TRPC7: variants seen among roughly 807,000 people sequenced by gnomAD.
TRPC7 encodes the protein short transient receptor potential channel 7.
Under a neutral mutation model 90.1 loss-of-function variants are expected in TRPC7, and 42 were observed. That is an observed-to-expected ratio of 0.47 (90% CI 0.36 to 0.60). The LOEUF (loss-of-function observed/expected upper bound fraction) is 0.60, where lower values mean the gene tolerates loss of function less well. Ranked by LOEUF, TRPC7 falls within the 20% of genes least tolerant of loss-of-function variation. TRPC7 has a pLI of 0.00. For synonymous variants in TRPC7, 451 were observed against 436.3 expected (o/e 1.03, Z -0.42); for missense variants, 955 against 1,112.3 (o/e 0.86, Z 2.01).
chr5:136,357,292 C>A lies in TRPC7; in HGVS notation c.96G>T (p.Met32Ile). The change falls in exon 2 of 12, where the codon ATG becomes ATT. Residue 32 changes from methionine to isoleucine, a missense_variant. Physicochemically the swap from Met to Ile is conservative, Grantham distance 10. This residue lies in a region of TRPC7 where 161 missense variants were observed against 145.7 expected (regional missense o/e 1.10). Transcript: ENST00000513104. The stretch of plus-strand genomic sequence containing the variant: ...TCAGACTGGTGCCCTTCTCGTTGAA[C>A]ATGTAGGCGGGACCCCGGATGGCCT... ...RRQAIRGPAY[M>I]FNEKGTSLTP... is the part of the protein sequence containing the mutation. 6.2e-7 allele frequency: 1 copy of A among 1,612,272 alleles called. No homozygotes were observed.
At chr5:136,341,086 T>G (rs909280423) in intron 2 of TRPC7, among the ~76,000 whole-genome samples, 10 of 152,194 alleles carry the variant, frequency 6.6e-5, no homozygotes, top group African/African-American at 2.2e-4. Context: ...TAGTTTTCAG[T>G]GCCAGTGCTC....
intron 3 of TRPC7, among the ~76,000 whole-genome samples, chr5:136,291,767 G>A (rs532802141): frequency 4.6e-5 from 7 of 152,118 alleles, no homozygotes; most frequent in African/African-American, 7.2e-5. Flanking sequence ...TCCAGGAATT[G>A]AACTCAGCTC....
chr5:136,327,649 G>C (rs1241103647), intron 2 of TRPC7, among the ~76,000 whole-genome samples: 1 of 152,186 alleles, frequency 6.6e-6, no homozygotes, highest in Non-Finnish European at 1.5e-5. Flanking sequence ...GGGGTGACTT[G>C]GGAGACAGTG....
chr5:136,225,431 ACAGTATC>A (rs1339958433), intron 9 of TRPC7, 77 bp from the exon 10 acceptor site: 2 of 1,427,268 alleles, frequency 1.4e-6, no homozygotes, highest in Non-Finnish European at 1.9e-6. Flanking sequence ...TAGGACTTGA[ACAGTATC>A]CATATACGGG....
chr5:136,251,434 C>T (rs186393871), intron 6 of TRPC7, among the ~76,000 whole-genome samples: 1 of 152,216 alleles, frequency 6.6e-6, no homozygotes. Context: ...ACTAATTCCA[C>T]GTTCTATTCT....
chr5:136,291,506 A>G (rs1435313928), intron 3 of TRPC7, among the ~76,000 whole-genome samples: 1 of 152,230 alleles, frequency 6.6e-6, no homozygotes, highest in African/African-American at 2.4e-5. Context: ...TCTCTGATAA[A>G]ACAGACTTTA....
chr5:136,356,266 G>A (rs1177262110), intron 2 of TRPC7, among the ~76,000 whole-genome samples: 2 of 152,176 alleles, frequency 1.3e-5, no homozygotes, highest in East Asian at 1.9e-4. Flanking sequence ...CAGGTCCTTA[G>A]GTGTCCTAGA....
intron 2 of TRPC7, among the ~76,000 whole-genome samples, chr5:136,318,050 G>A (rs3822747): frequency 3.9e-5 from 6 of 152,028 alleles, no homozygotes; most frequent in African/African-American, 1.4e-4. Flanking sequence ...GGCAATAAGC[G>A]TTCTGCTGTC....
intron 5 of TRPC7, among the ~76,000 whole-genome samples, chr5:136,253,394 A>G (rs936495968): frequency 4.6e-5 from 7 of 152,192 alleles, no homozygotes; most frequent in African/African-American, 1.7e-4. Flanking sequence ...GTTTTTTTCA[A>G]ATTAAAGGTT....
intron 8 of TRPC7, among the ~76,000 whole-genome samples, chr5:136,229,900 C>T (rs1695927137): frequency 6.6e-6 from 1 of 152,220 alleles, no homozygotes; most frequent in Admixed American, 6.5e-5. Flanking sequence ...GTCAAAAGCC[C>T]TGTAGCCTCC....
Position 136,213,279 on chromosome 5 carries a change from TGG to T in TRPC7, c.*154_*155del. 2.6e-6 allele frequency: 2 copies of T among 755,746 alleles called. No individual in the cohort carries two copies. Among genetic ancestry groups the T allele is most frequent in the South Asian group, 3.8e-5 (2 of 52,796 alleles). 46.8% of individuals were successfully genotyped at this position (755,746 alleles called of 1,614,324 possible). On this transcript the variant is annotated 3_prime_UTR_variant, in exon 12 of 12. Transcript: ENST00000513104. ...TCTGGGTCTAGGCAGGCCAGCGGGC[TGG>T]AGATGTCAGTCATGCTGCAAGAGAC...
chr5:136,230,341 C>T (rs533877391), intron 8 of TRPC7, among the ~76,000 whole-genome samples: 1 of 152,324 alleles, frequency 6.6e-6, no homozygotes, highest in East Asian at 1.9e-4. Context: ...CCTATTCCCA[C>T]CTCTCAACAG....
chr5:136,234,786 C>T (rs1312724667), intron 7 of TRPC7, among the ~76,000 whole-genome samples: 1 of 152,120 alleles, frequency 6.6e-6, no homozygotes, highest in East Asian at 1.9e-4. Flanking sequence ...TCATTTGTAC[C>T]CACATGTTCT....
At chr5:136,308,087 A>G (rs747479558) in intron 3 of TRPC7, among the ~76,000 whole-genome samples, 2 of 152,108 alleles carry the variant, frequency 1.3e-5, no homozygotes, top group South Asian at 2.1e-4. Context: ...CACAAGTTCT[A>G]TTTTCCTTCT....
At chr5:136,258,462 G>A (rs1428828465) in intron 5 of TRPC7, among the ~76,000 whole-genome samples, 2 of 151,840 alleles carry the variant, frequency 1.3e-5, no homozygotes, top group Non-Finnish European at 2.9e-5. Flanking sequence ...GGGCTCAAGG[G>A]GTAAGCATGC....
chr5:136,315,318 G>A (rs1758973183), intron 3 of TRPC7, among the ~76,000 whole-genome samples: 1 of 152,150 alleles, frequency 6.6e-6, no homozygotes, highest in African/African-American at 2.4e-5. Flanking sequence ...GTGGGTTGAG[G>A]CTGAAGATGT....
intron 3 of TRPC7, among the ~76,000 whole-genome samples, chr5:136,281,213 T>C (rs1757541389): frequency 6.6e-6 from 1 of 152,134 alleles, no homozygotes; most frequent in Non-Finnish European, 1.5e-5. Flanking sequence ...AAATCAGAAA[T>C]ACACAAGAAG....
At chr5:136,294,369 A>G (rs1393039844) in intron 3 of TRPC7, among the ~76,000 whole-genome samples, 1 of 152,212 alleles carries the variant, frequency 6.6e-6, no homozygotes, top group African/African-American at 2.4e-5. Flanking sequence ...AGAATGGGAG[A>G]AATTTCTTGC....
intron 2 of TRPC7, among the ~76,000 whole-genome samples, chr5:136,341,795 T>G (rs184835768): frequency 6.6e-6 from 1 of 152,308 alleles, no homozygotes; most frequent in African/African-American, 2.4e-5. Context: ...GACAATGAAT[T>G]TTTCAACCAG....
Sources: allele counts gnomAD v4.1 joint callset (sites outside exome capture counted in the v4.1 genomes callset), GRCh38; gene constraint gnomAD v4.1.1; regional missense constraint gnomAD v4.1.1; transcripts MANE v1.5; gene names NCBI Gene and HGNC (gene_info 2026-07-23, HGNC 2026-07-21).